Variants in FOXN3 observed in about 807,000 individuals in gnomAD.
FOXN3 encodes forkhead box protein N3.
Under a neutral mutation model 38.4 loss-of-function variants are expected in FOXN3, and 7 were observed. That is an observed-to-expected ratio of 0.18 (90% CI 0.10 to 0.34). The LOEUF is 0.34. Ranked by LOEUF, FOXN3 falls within the 10% of genes least tolerant of loss-of-function variation. The probability of loss-of-function intolerance (pLI) is 1.00; values close to 1 mark genes in which losing one functional copy is unlikely to be tolerated. For synonymous variants in FOXN3, 230 were observed against 242.2 expected (o/e 0.95, Z 0.47); for missense variants, 456 against 613.4 (o/e 0.74, Z 2.71).
At chr14:89,543,066 G>C (rs1294696951) in intron 1 of FOXN3, among the ~76,000 whole-genome samples, 14 of 152,226 alleles carry the variant, frequency 9.2e-5, no homozygotes, top group Non-Finnish European at 5.9e-5. Context: ...TGAAGTGTAA[G>C]AGGAAGGAAT....
chr14:89,601,143 A>G (rs1451409322), intron 1 of FOXN3, among the ~76,000 whole-genome samples: 1 of 152,184 alleles, frequency 6.6e-6, no homozygotes, highest in Non-Finnish European at 1.5e-5. Context: ...GTTGATGCCT[A>G]ATTATAGACT....
chr14:89,277,643 G>C (rs1217133870), intron 4 of FOXN3, among the ~76,000 whole-genome samples: 1 of 152,102 alleles, frequency 6.6e-6, no homozygotes, highest in Non-Finnish European at 1.5e-5. Flanking sequence ...AGAACAACCA[G>C]TTAATTCTTA....
At chr14:89,436,697 G>C (rs901179772) in intron 1 of FOXN3, among the ~76,000 whole-genome samples, 3 of 152,174 alleles carry the variant, frequency 2.0e-5, no homozygotes, top group Non-Finnish European at 2.9e-5. Context: ...GAGAGTTAGT[G>C]GTGGATCCAG....
chr14:89,248,951 T>C (rs1035927028), intron 4 of FOXN3, among the ~76,000 whole-genome samples: 6 of 152,232 alleles, frequency 3.9e-5, no homozygotes, highest in African/African-American at 1.2e-4. Context: ...AAGTAAATGG[T>C]TGTAATTTCT....
At chr14:89,319,257 G>C (rs538609557) in intron 3 of FOXN3, among the ~76,000 whole-genome samples, 1 of 152,096 alleles carries the variant, frequency 6.6e-6, no homozygotes, top group East Asian at 1.9e-4. Context: ...AGGACACAGC[G>C]TACAGTCATG....
At chr14:89,399,712 G>C (rs1246528901) in intron 2 of FOXN3, among the ~76,000 whole-genome samples, 1 of 152,182 alleles carries the variant, frequency 6.6e-6, no homozygotes, top group African/African-American at 2.4e-5. Context: ...AGGGGGAGGG[G>C]CTGCGATCTC....
At chr14:89,410,671 G>C (rs928875801) in intron 2 of FOXN3, among the ~76,000 whole-genome samples, 5 of 152,110 alleles carry the variant, frequency 3.3e-5, no homozygotes, top group Admixed American at 2.6e-4. Context: ...CCTGAAGTTT[G>C]AGACCAGCCT....
At chr14:89,322,574 G>T (rs779156109) in intron 3 of FOXN3, among the ~76,000 whole-genome samples, 22 of 152,144 alleles carry the variant, frequency 1.4e-4, no homozygotes, top group Non-Finnish European at 3.1e-4. Flanking sequence ...CAACATGGTG[G>T]CATAGTCAAA....
At chr14:89,491,613 C>T (rs1008857262) in intron 1 of FOXN3, among the ~76,000 whole-genome samples, 1 of 152,156 alleles carries the variant, frequency 6.6e-6, no homozygotes, top group Non-Finnish European at 1.5e-5. Flanking sequence ...GGATGCCAAC[C>T]TTTCATCCTG....
At chr14:89,272,777 T>A (rs1227082536) in intron 4 of FOXN3, among the ~76,000 whole-genome samples, 1 of 152,106 alleles carries the variant, frequency 6.6e-6, no homozygotes. Flanking sequence ...CACTTGAATC[T>A]GGGAAGCATA....
intron 1 of FOXN3, among the ~76,000 whole-genome samples, chr14:89,575,118 CAA>C (rs1895578596): frequency 6.6e-6 from 1 of 152,198 alleles, no homozygotes; most frequent in Non-Finnish European, 1.5e-5. Flanking sequence ...AACTCAGACT[CAA>C]AGTTTCTCCT....
At chr14:89,317,826 C>T (rs891612493) in intron 3 of FOXN3, among the ~76,000 whole-genome samples, 3 of 151,408 alleles carry the variant, frequency 2.0e-5, no homozygotes, top group African/African-American at 4.9e-5. Context: ...TGCCTGACTT[C>T]GCCTCCCTCC....
intron 1 of FOXN3, among the ~76,000 whole-genome samples, chr14:89,567,490 CTAGG>C (rs1895383243): frequency 7.6e-6 from 1 of 132,016 alleles, no homozygotes; most frequent in Non-Finnish European, 1.6e-5. Context: ...GAAGACTGTA[CTAGG>C]TACAAAGTGG....
At chr14:89,591,899 G>A (rs34513589) in intron 1 of FOXN3, among the ~76,000 whole-genome samples, 67,909 of 151,924 alleles carry the variant, frequency 0.45, 18,412 homozygotes, top group Middle Eastern at 0.63. Context: ...TACTCCAGCC[G>A]GGGTGACAGA....
chr14:89,460,077 T>C (rs73329222), intron 1 of FOXN3, among the ~76,000 whole-genome samples: 4 of 152,290 alleles, frequency 2.6e-5, no homozygotes, highest in African/African-American at 9.6e-5. Context: ...CTTTCTTTTC[T>C]CTAGAAAGCC....
At chr14:89,398,396 T>C (rs1254560970) in intron 2 of FOXN3, among the ~76,000 whole-genome samples, 4 of 152,144 alleles carry the variant, frequency 2.6e-5, no homozygotes, top group Non-Finnish European at 5.9e-5. Flanking sequence ...GGGCTAGAGT[T>C]CATAATTTCT....
At chr14:89,349,351 T>C (rs919607741) in intron 3 of FOXN3, among the ~76,000 whole-genome samples, 3 of 152,270 alleles carry the variant, frequency 2.0e-5, no homozygotes, top group African/African-American at 7.2e-5. Flanking sequence ...GAATAAAGTA[T>C]GCTTCCACTG....
At chr14:89,244,116 T>C (rs1885221430) in intron 4 of FOXN3, among the ~76,000 whole-genome samples, 1 of 152,230 alleles carries the variant, frequency 6.6e-6, no homozygotes, top group Non-Finnish European at 1.5e-5. Context: ...ACTAGAGATC[T>C]GGGAATCCTC....
chr14:89,260,334 G>A (rs1885757852), intron 4 of FOXN3, among the ~76,000 whole-genome samples: 1 of 152,246 alleles, frequency 6.6e-6, no homozygotes, highest in Non-Finnish European at 1.5e-5. Context: ...GCACGAAGCT[G>A]AGATCACTCC....
Sources: allele counts gnomAD v4.1 joint callset (sites outside exome capture counted in the v4.1 genomes callset), GRCh38; gene constraint gnomAD v4.1.1; transcripts MANE v1.5; gene names NCBI Gene and HGNC (gene_info 2026-07-23, HGNC 2026-07-21).